Variants in COL17A1 observed in about 807,000 individuals in gnomAD.
COL17A1 encodes collagen alpha-1(XVII) chain.
COL17A1 carries 181 observed loss-of-function variants against 218.4 expected under a neutral mutation model. The ratio of observed to expected loss-of-function variants is 0.83; its 90% confidence interval spans 0.73 to 0.94. The LOEUF (loss-of-function observed/expected upper bound fraction) is 0.94, where lower values mean the gene tolerates loss of function less well. COL17A1 is among the 40% of genes least tolerant of loss of function. COL17A1 has a pLI of 0.00. For missense variants in COL17A1, 1,924 were observed against 1,945.9 expected, an observed-to-expected ratio of 0.99 and a Z score of 0.21; for synonymous variants, 721 against 731.0, an observed-to-expected ratio of 0.99 and a Z score of 0.22.
chr10:104,039,553 C>T, intron 42 of COL17A1, 34 bp from the exon 43 acceptor site: 1 of 1,614,136 alleles, frequency 6.2e-7, no homozygotes, highest in Non-Finnish European at 8.5e-7. Context: ...TGCAGTCAGC[C>T]AGGGTTTGGA....
rs1273425383 is a variant in COL17A1 at position 104,073,209 on chromosome 10, C to A, written c.415+1G>T. The A allele has an allele frequency of 6.2e-7, 1 of 1,613,858 alleles. No homozygotes were observed. On this transcript the variant is annotated splice_donor_variant, in intron 7 of 55. Transcript: ENST00000648076. LOFTEE classifies it high-confidence loss of function. ...GGACTGAACCCAGTGACAGCACTCA[C>A]CTCGTGTTTGACTCCGTCCTCTGGT...
At position 104,039,227 on chromosome 10, in the gene COL17A1, T is replaced by C. The variant is rs2086333296; in HGVS notation, c.2897-106A>G. On this transcript the variant is annotated intron_variant, in intron 43 of 55. Transcript: ENST00000648076. Reference sequence around the variant, plus strand: ...TGTCTCAACAATCGTCCCATGTCTCTTGGCCTCCTTTTTGTAATAATACCA... The same window carrying C: ...TGTCTCAACAATCGTCCCATGTCTCCTGGCCTCCTTTTTGTAATAATACCA... 3 of 1,214,542 alleles carry C rather than the reference T, an allele frequency of 2.5e-6. No individual in the cohort carries two copies. In the South Asian group the frequency reaches 3.8e-5, roughly 15 times the overall value. The allele number at this position is 1,214,542 out of a possible 1,614,324, so 75.2% of individuals were successfully genotyped here.
chr10:104,055,133 G>C (rs2086507836), intron 19 of COL17A1, 126 bp from the exon 20 acceptor site: 3 of 1,516,818 alleles, frequency 2.0e-6, no homozygotes, highest in Non-Finnish European at 2.7e-6. Context: ...CATGCGGCGA[G>C]TCCCTCCCAG....
At chr10:104,045,706 C>T (rs764937885) in intron 33 of COL17A1, 52 bp downstream of exon 33, 1 of 1,482,614 alleles carries the variant, frequency 6.7e-7, no homozygotes, top group Non-Finnish European at 9.4e-7. Context: ...TCCCTTCCTT[C>T]CACAAAAATG....
Position 104,035,265 on chromosome 10 carries a change from T to C in COL17A1, c.3617A>G (p.His1206Arg). The change falls in exon 50 of 56, where the codon CAT becomes CGT. Residue 1206 changes from histidine to arginine, a missense_variant and splice_region_variant. His to Arg is a conservative substitution (Grantham distance 29). Coordinates refer to ENST00000648076, the MANE Select transcript of COL17A1 (RefSeq NM_000494.4). ...ISVEDLSSYLHTAGLSFIPGP... is the reference protein window; with the variant it reads ...ISVEDLSSYLRTAGLSFIPGP... ...CATCCCACTCCACAGTGCCCTACTA[T>C]GTAAGTAAGACGAGAGGTCCTCCAC... 3.1e-6 allele frequency: 5 copies of C among 1,612,318 alleles called. No homozygotes were observed. Among genetic ancestry groups the C allele is most frequent in the Non-Finnish European group, 3.4e-6 (4 of 1,178,902 alleles).
At chr10:104,079,819 C>T (rs1437943733) in intron 2 of COL17A1, among the ~76,000 whole-genome samples, 1 of 150,592 alleles carries the variant, frequency 6.6e-6, no homozygotes, top group Non-Finnish European at 1.5e-5. Context: ...CCCAGCTGCT[C>T]GGGAGGCTGA....
At chr10:104,081,209 T>C (rs1219041138) in intron 1 of COL17A1, among the ~76,000 whole-genome samples, 1 of 152,196 alleles carries the variant, frequency 6.6e-6, no homozygotes, top group Non-Finnish European at 1.5e-5. Context: ...AAAATAATTA[T>C]ATTTGTCGTA....
chr10:104,052,033 T>A (rs1359097376), intron 24 of COL17A1, 122 bp downstream of exon 24: 2 of 1,356,206 alleles, frequency 1.5e-6, no homozygotes, highest in East Asian at 4.6e-5. Context: ...CCACCACCCC[T>A]GCACAGGCCT....
chr10:104,061,912 G>T (rs947857632), intron 12 of COL17A1, among the ~76,000 whole-genome samples: 26 of 152,130 alleles, frequency 1.7e-4, no homozygotes, highest in African/African-American at 6.0e-4. Context: ...CAACCTGTAG[G>T]GGGTGCACCA....
Position 104,054,198 on chromosome 10 carries a change from A to C in COL17A1, c.1745-80T>G, listed in dbSNP as rs1004275591. Reference sequence around the variant, plus strand: ...CCCAAAGCAGTCACTAGTGGGATTCAGGTAGGGTTGCCAAACTTAGGAAAT... The same window carrying C: ...CCCAAAGCAGTCACTAGTGGGATTCCGGTAGGGTTGCCAAACTTAGGAAAT... On this transcript the variant is annotated intron_variant, in intron 20 of 55. Transcript: ENST00000648076. 7 of 1,479,600 alleles carry C rather than the reference A, an allele frequency of 4.7e-6. No homozygotes were observed. In the Admixed American group the frequency reaches 1.2e-4, roughly 25 times the overall value. The allele number at this position is 1,479,600 out of a possible 1,614,324, so 91.7% of individuals were successfully genotyped here. A position where few individuals can be genotyped will look rare whatever the true frequency, so the allele number is the denominator to read the frequency against.
rs748149349 is a variant in COL17A1, at chr10:104,035,377, A to G, written c.3509-4T>C. 1.2e-6 allele frequency: 2 copies of G among 1,613,966 alleles called. No individual in the cohort carries two copies. The highest frequency in any genetic ancestry group is 1.7e-6 in the Non-Finnish European group (2 of 1,179,878). On this transcript the variant is annotated splice_region_variant and splice_polypyrimidine_tract_variant and intron_variant, in intron 49 of 55. Coordinates refer to ENST00000648076, the MANE Select transcript of COL17A1 (RefSeq NM_000494.4). ...ACGATGCCTCTGAATTCAGACCCTG[A>G]GACACCAAGGGAGGGCACGGAGTCA...
At position 104,074,249 on chromosome 10, in the gene COL17A1, C is replaced by G; in HGVS notation, c.332-18G>C. ...GGAGCTCCCTGGAGAGGGGATGAAA[C>G]ACTTAGAACAAATGGCCTCTTAGGC... On this transcript the variant is annotated intron_variant, in intron 5 of 55. Transcript: ENST00000648076. 1 of 1,614,176 alleles carries G rather than the reference C, an allele frequency of 6.2e-7. No homozygotes were observed. Among genetic ancestry groups the G allele is most frequent in the Non-Finnish European group, 8.5e-7 (1 of 1,180,002 alleles).
At position 104,080,624 on chromosome 10, in the gene COL17A1, C is replaced by G. The variant is rs765309382; in HGVS notation, c.50G>C (p.Arg17Thr). Reference protein sequence around the residue: ...NKRDGTEVTERIVTETVTTRL... With the variant: ...NKRDGTEVTETIVTETVTTRL... ...TTAAAAAATTCTGATGCTCTTACTT[C>G]TCTCAGTGACTTCAGTTCCATCTCG... The change falls in exon 2 of 56, where the codon AGA becomes ACA. Residue 17 changes from arginine to threonine, a missense_variant and splice_region_variant. By Grantham distance (71) the Arg-to-Thr change is moderately conservative (BLOSUM62 -1). Transcript: ENST00000648076. 6.2e-7 allele frequency: 1 copy of G among 1,612,800 alleles called. No homozygotes were observed. Among genetic ancestry groups the G allele is most frequent in the South Asian group, 1.1e-5 (1 of 91,014 alleles).
intron 8 of COL17A1, among the ~76,000 whole-genome samples, chr10:104,071,164 C>CATGCATGGGGAGTGCATGAGAGG (rs1247372946): frequency 2.6e-5 from 4 of 152,000 alleles, no homozygotes; most frequent in Non-Finnish European, 4.4e-5. Context: ...TGGGAGGCAC[C>CATGCATGGGGAGTGCATGAGAGG]ATGCATGGGG....
intron 52 of COL17A1, 121 bp downstream of exon 52, chr10:104,033,824 C>T (rs2086241306): frequency 1.4e-6 from 2 of 1,472,754 alleles, no homozygotes; most frequent in African/African-American, 1.4e-5. Flanking sequence ...CCTGTCCCCT[C>T]CAGCCCCTGC....
Position 104,033,991 on chromosome 10 carries a change from A to T in COL17A1, c.4110T>A (p.Asp1370Glu), listed in dbSNP as rs1007112665. The change falls in exon 52 of 56, where the codon GAT (aspartate) becomes GAA (glutamate). Residue 1370 changes from aspartate (D) to glutamate (E), a missense_variant. Physicochemically the swap from Asp to Glu is conservative, Grantham distance 45. Transcript: ENST00000648076. ...GGLLGADFAG[D>E]LDYNELAVRV... ...TCACAGCCAGCTCATTGTAATCCAG[A>T]TCTCCAGCAAAGTCAGCTCCCAATA... 1.2e-6 allele frequency: 2 copies of T among 1,614,078 alleles called. No homozygotes were observed. The highest frequency in any genetic ancestry group is 2.7e-5 in the African/African-American group (2 of 74,978).
rs954670146 is a variant in COL17A1, at chr10:104,080,303, C to T, written c.52+319G>A. Among the ~76,000 whole-genome samples the T allele has an allele frequency of 5.3e-5, 8 of 152,310 alleles. 2 individuals carry two copies. The highest frequency in any genetic ancestry group is 5.2e-4 in the Admixed American group (8 of 15,298). On this transcript the variant is annotated intron_variant, in intron 2 of 55. Transcript: ENST00000648076. ...GTTATTCGTTTAGATTTCTGTTGCC[C>T]TGTACCCCTAAATTTGGAAATGATA...
At position 104,035,293 on chromosome 10, in the gene COL17A1, T is replaced by C; in HGVS notation, c.3589A>G (p.Ser1197Gly). The part of the protein sequence containing the change: ...GIPGNVWSSI[S>G]VEDLSSYLHT... ...AAGTAAGACGAGAGGTCCTCCACGCTGATGCTGGACCACACATTGCCTGGG... is the reference window on the plus strand; with the variant it reads ...AAGTAAGACGAGAGGTCCTCCACGCCGATGCTGGACCACACATTGCCTGGG... Residue 1197 changes from serine (S) to glycine (G), a missense_variant, in exon 50 of 56, where the codon AGC becomes GGC. Ser to Gly is a moderately conservative substitution (Grantham distance 56). Coordinates refer to ENST00000648076, the MANE Select transcript of COL17A1 (RefSeq NM_000494.4). 1.2e-6 allele frequency: 2 copies of C among 1,614,156 alleles called. No homozygotes were observed.
chr10:104,039,990 C>G lies in COL17A1; in HGVS notation c.2771G>C (p.Gly924Ala), dbSNP rs752420310. 1 of 1,614,096 alleles carries G rather than the reference C, an allele frequency of 6.2e-7. No individual in the cohort carries two copies. ...TACTGTACCTTGGTGTCCTCTGGGG[C>G]CTGGGGGACCTGAGGGAAAAAGGCA... ...PGPKGDQGPP[G>A]PRGHQGEQGL... The change falls in exon 41 of 56, where the codon GGC becomes GCC. Residue 924 changes from glycine to alanine, a missense_variant. By Grantham distance (60) the Gly-to-Ala change is moderately conservative. Coordinates refer to ENST00000648076, the MANE Select transcript of COL17A1 (RefSeq NM_000494.4).
Sources: allele counts gnomAD v4.1 joint callset (sites outside exome capture counted in the v4.1 genomes callset), GRCh38; gene constraint gnomAD v4.1.1; transcripts MANE v1.5; gene names NCBI Gene and HGNC (gene_info 2026-07-23, HGNC 2026-07-21).